The following GSE1 variants were observed in gnomAD, a reference collection of about 807,000 sequenced individuals.
The protein encoded by GSE1 is genetic suppressor element 1.
In GSE1, 32 loss-of-function variants were observed where a neutral mutation model predicts 112.6. The ratio of observed to expected loss-of-function variants is 0.28; its 90% CI spans 0.21 to 0.38. The LOEUF is 0.38. Ranked by LOEUF, GSE1 falls within the 10% of genes least tolerant of loss-of-function variation. The pLI is 1.00. For synonymous variants in GSE1, 1,115 were observed against 735.6 expected (o/e 1.52, Z -8.35); for missense variants, 2,348 against 1,699.2 (o/e 1.38, Z -6.71).
chr16:85,179,573 C>A (rs549498533), intron 1 of GSE1, among the ~76,000 whole-genome samples: 1 of 152,110 alleles, frequency 6.6e-6, no homozygotes, highest in Non-Finnish European at 1.5e-5. Context: ...ACTGTTTTCC[C>A]GTTGGGGGTT....
Position 85,331,693 on chromosome 16 carries a change from A to ATG in GSE1, c.2284-25769_2284-25768insGT, listed in dbSNP as rs1177064487. Among the ~76,000 whole-genome samples, 377 of 82,756 alleles carry ATG rather than the reference A, an allele frequency of 4.6e-3. 28 individuals are homozygous for ATG. Among genetic ancestry groups the ATG allele is most frequent in the African/African-American group, 0.019 (357 of 19,236 alleles). 54.3% of individuals were successfully genotyped at this position (82,756 alleles called of 152,430 possible). A position where few individuals can be genotyped will look rare whatever the true frequency, so the allele number is the denominator to read the frequency against. Reference sequence around the variant, plus strand: ...TGTGTGTGTGTGTGTGTGTATATATATATATATATATATATTTTTTTTTTT... The same window carrying ATG: ...TGTGTGTGTGTGTGTGTGTATATATATGTATATATATATATATTTTTTTTTTT... On this transcript the variant is annotated intron_variant, in intron 1 of 2. Coordinates refer to the GSE1 transcript ENST00000637419.
At chr16:85,285,592 G>C (rs1256335403) in intron 1 of GSE1, 1 of 150,108 alleles carries the variant, frequency 6.7e-6, no homozygotes, top group Admixed American at 6.7e-5. Context: ...TGAGGCAGGA[G>C]AATCACTTGA....
At chr16:85,409,676 C>CA (rs755421439) in intron 2 of GSE1, among the ~76,000 whole-genome samples, 6 of 7,818 alleles carry the variant, frequency 7.7e-4, no homozygotes, top group Non-Finnish European at 7.3e-3. Flanking sequence ...ACTCAGGGCC[C>CA]CCCGGATAAT....
At chr16:85,435,498 C>G (rs1023554379) in intron 2 of GSE1, among the ~76,000 whole-genome samples, 1 of 152,202 alleles carries the variant, frequency 6.6e-6, no homozygotes, top group Non-Finnish European at 1.5e-5. Flanking sequence ...CACAGCCCCC[C>G]GCAGCAGGTG....
intron 1 of GSE1, among the ~76,000 whole-genome samples, chr16:85,280,313 C>T (rs919075712): frequency 6.6e-6 from 1 of 152,194 alleles, no homozygotes; most frequent in Non-Finnish European, 1.5e-5. Flanking sequence ...TGGCCAAGGC[C>T]CCATCCAGCA....
chr16:85,501,003 T>TTG (rs1567540393), intron 2 of GSE1, among the ~76,000 whole-genome samples: 2 of 128,626 alleles, frequency 1.6e-5, no homozygotes, highest in African/African-American at 6.5e-5. Context: ...GTTCTGTTTT[T>TTG]TTTTTTTTTT....
chr16:85,421,206 C>T (rs530288112), intron 2 of GSE1, among the ~76,000 whole-genome samples: 1 of 152,298 alleles, frequency 6.6e-6, no homozygotes, highest in African/African-American at 2.4e-5. Context: ...AGGCACCCTC[C>T]TGTCTCCTGG....
At chr16:85,572,502 C>T (rs1434306944) in intron 1 of GSE1, among the ~76,000 whole-genome samples, 1 of 151,092 alleles carries the variant, frequency 6.6e-6, no homozygotes. Context: ...CAACCACATA[C>T]CACACACACC....
At chr16:85,549,308 G>C (rs1178429109) in intron 2 of GSE1, among the ~76,000 whole-genome samples, 4 of 151,924 alleles carry the variant, frequency 2.6e-5, no homozygotes, top group Non-Finnish European at 4.4e-5. Flanking sequence ...CCATGTAGCT[G>C]GGACTATAGG....
intron 9 of GSE1, 89 bp downstream of exon 9, chr16:85,661,854 T>C: frequency 7.7e-7 from 1 of 1,300,938 alleles, no homozygotes; most frequent in Non-Finnish European, 1.0e-6. Context: ...CCCCTCTCCG[T>C]CCACTCCTGC....
At chr16:85,496,171 C>T (rs1309863117) in intron 2 of GSE1, among the ~76,000 whole-genome samples, 5 of 152,206 alleles carry the variant, frequency 3.3e-5, no homozygotes, top group African/African-American at 1.2e-4. Flanking sequence ...CTTGACCTCG[C>T]TCCCCAGAGG....
At chr16:85,239,028 A>G (rs1318942357) in intron 1 of GSE1, among the ~76,000 whole-genome samples, 1 of 152,004 alleles carries the variant, frequency 6.6e-6, no homozygotes, top group African/African-American at 2.4e-5. Flanking sequence ...CCCGGGTTCA[A>G]GCAATTCTCC....
chr16:85,664,768 G>A (rs760783704), intron 11 of GSE1: 12 of 420,794 alleles, frequency 2.9e-5, no homozygotes, highest in African/African-American at 8.1e-5. Context: ...TCACAGAGGC[G>A]TCGTCACCGC....
intron 1 of GSE1, among the ~76,000 whole-genome samples, chr16:85,624,964 G>C (rs573144694): frequency 5.9e-5 from 9 of 152,312 alleles, no homozygotes; most frequent in Admixed American, 2.6e-4. Context: ...GTCTGCTTAC[G>C]TAAAGGGAAG....
chr16:85,643,960 C>A (rs1345804756), intron 2 of GSE1, among the ~76,000 whole-genome samples: 1 of 152,094 alleles, frequency 6.6e-6, no homozygotes, highest in Non-Finnish European at 1.5e-5. Flanking sequence ...CCACATTTCC[C>A]CTACTCACAG....
At chr16:85,570,180 T>G (rs926119145) in intron 1 of GSE1, among the ~76,000 whole-genome samples, 9 of 152,152 alleles carry the variant, frequency 5.9e-5, no homozygotes, top group African/African-American at 2.2e-4. Flanking sequence ...GAGGGCCCCT[T>G]CCAAGGTGGG....
rs2053501420 is a variant in GSE1 at position 85,673,470 on chromosome 16, T to C, written c.*931T>C. 7.0e-6 allele frequency: 1 copy of C among 143,228 alleles called. No individual in the cohort carries two copies. Among genetic ancestry groups the C allele is most frequent in the South Asian group, 2.2e-4 (1 of 4,448 alleles). The allele number at this position is 143,228 out of a possible 1,614,324, so 8.9% of individuals were successfully genotyped here. On this transcript the variant is annotated 3_prime_UTR_variant, in exon 16 of 16. Transcript: ENST00000253458. ...GGGGTTTTGTTTGTTGTTTTGGTTT[T>C]TTTTGGGCAAAAAAAAAAAAAAAAC...
rs527372939 is a variant in GSE1, at chr16:85,196,160, G to T, written c.2283+24353G>T. Among the ~76,000 whole-genome samples, 26 of 152,334 alleles carry T rather than the reference G, an allele frequency of 1.7e-4. No individual in the cohort carries two copies. The Middle Eastern group carries it at 0.01, about 60-fold the overall frequency. On this transcript the variant is annotated intron_variant, in intron 1 of 2. Transcript: ENST00000637419. ...AGTTAAGAAAAACGTATGGTTTCCA[G>T]AACTTTTGGACTTGGGGGTTGTGGG...
intron 1 of GSE1, among the ~76,000 whole-genome samples, chr16:85,246,549 C>A (rs549964588): frequency 2.7e-3 from 362 of 134,876 alleles, no homozygotes; most frequent in Middle Eastern, 4.0e-3. Flanking sequence ...AGCAGCTGTG[C>A]AGGAGCAGCC....
Sources: gnomAD v4.1 joint callset for allele counts (sites outside exome capture counted in the v4.1 genomes callset) on GRCh38, gnomAD v4.1.1 for gene constraint, MANE v1.5 for transcripts, NCBI Gene and HGNC (gene_info 2026-07-23, HGNC 2026-07-21) for gene names.